The following GHR variants were observed in gnomAD, a reference collection of about 807,000 sequenced individuals.
GHR encodes growth hormone receptor, also known as GH receptor.
Under a neutral mutation model 67.1 loss-of-function variants are expected in GHR, and 35 were observed. That is an observed-to-expected ratio of 0.52 (90% CI 0.40 to 0.69). The LOEUF (loss-of-function observed/expected upper bound fraction) is 0.69. GHR is among the 30% of genes least tolerant of loss of function. GHR has a pLI of 0.00. For synonymous variants in GHR, 272 were observed against 269.1 expected, an observed-to-expected ratio of 1.01 and a Z score of -0.10; for missense variants, 792 against 764.6, an observed-to-expected ratio of 1.04 and a Z score of -0.42.
At chr5:42,652,609 A>G (rs1755064428) in intron 3 of GHR, among the ~76,000 whole-genome samples, 1 of 152,322 alleles carries the variant, frequency 6.6e-6, no homozygotes, top group South Asian at 2.1e-4. Flanking sequence ...GACATTCATT[A>G]TCAGATTTAC....
chr5:42,571,792 C>T (rs1750335338), intron 2 of GHR, among the ~76,000 whole-genome samples: 1 of 152,180 alleles, frequency 6.6e-6, no homozygotes, highest in South Asian at 2.1e-4. Context: ...TAGAATGTTT[C>T]CACACCACTT....
intron 1 of GHR, among the ~76,000 whole-genome samples, chr5:42,481,430 G>A (rs1311681530): frequency 6.6e-6 from 1 of 152,042 alleles, no homozygotes; most frequent in Non-Finnish European, 1.5e-5. Context: ...TTTGAATGTT[G>A]GCCTGCCTTG....
intron 1 of GHR, among the ~76,000 whole-genome samples, chr5:42,516,927 T>C (rs1396137112): frequency 6.6e-6 from 1 of 152,126 alleles, no homozygotes; most frequent in Non-Finnish European, 1.5e-5. Flanking sequence ...AGTGCCAGAG[T>C]GTGTAATTAT....
intron 3 of GHR, among the ~76,000 whole-genome samples, chr5:42,645,362 A>G (rs1460300333): frequency 6.6e-6 from 1 of 152,210 alleles, no homozygotes; most frequent in East Asian, 1.9e-4. Flanking sequence ...AAACATTGCT[A>G]TGTCCCAATG....
chr5:42,513,804 G>A (rs7705834), intron 1 of GHR, among the ~76,000 whole-genome samples: 68,978 of 151,688 alleles, frequency 0.45, 16,118 homozygotes, highest in Middle Eastern at 0.51. Context: ...GCTTCAGCAG[G>A]GTGAGGTTAA....
chr5:42,684,456 A>G (rs1757039114), intron 3 of GHR, among the ~76,000 whole-genome samples: 1 of 152,248 alleles, frequency 6.6e-6, no homozygotes, highest in African/African-American at 2.4e-5. Context: ...AATAATTACT[A>G]ACTTTGTAGA....
At chr5:42,521,774 G>C (rs1325363038) in intron 1 of GHR, among the ~76,000 whole-genome samples, 2 of 152,140 alleles carry the variant, frequency 1.3e-5, no homozygotes, top group Non-Finnish European at 2.9e-5. Context: ...CTTGGGTTGA[G>C]AGTTCTAGTT....
chr5:42,688,833 T>A (rs1757282659), intron 3 of GHR, 57 bp from the exon 4 acceptor site: 2 of 1,523,810 alleles, frequency 1.3e-6, no homozygotes, highest in Non-Finnish European at 9.1e-7. Flanking sequence ...CGTGTCTCAT[T>A]AGGATCACAT....
chr5:42,523,869 GA>G (rs1309919467), intron 1 of GHR, among the ~76,000 whole-genome samples: 1 of 152,126 alleles, frequency 6.6e-6, no homozygotes, highest in Non-Finnish European at 1.5e-5. Flanking sequence ...AGTCTCACTA[GA>G]TCTGATGGGT....
chr5:42,453,213 T>C (rs1183662087), intron 1 of GHR, among the ~76,000 whole-genome samples: 1 of 152,200 alleles, frequency 6.6e-6, no homozygotes, highest in Non-Finnish European at 1.5e-5. Context: ...ATTTTAGTAG[T>C]TACATACTTG....
rs1467367393 is a variant in GHR at position 42,497,027 on chromosome 5, T to TTAA, written c.-11-68837_-11-68836insTAA. 2.1e-4 allele frequency among the ~76,000 whole-genome samples: 32 copies of TTAA among 152,304 alleles called. No individual in the cohort carries two copies. In the East Asian group the frequency reaches 6.0e-3, roughly 28 times the overall value. ...GGGCCTTCCATGTTTGCAGGACATCTGTTTGGGCCTTAAGTTCTGCTACAG... is the reference window on the plus strand; with the variant it reads ...GGGCCTTCCATGTTTGCAGGACATCTTAAGTTTGGGCCTTAAGTTCTGCTACAG... On this transcript the variant is annotated intron_variant, in intron 1 of 9. Transcript: ENST00000230882.
At chr5:42,567,581 AAAG>A (rs922196991) in intron 2 of GHR, among the ~76,000 whole-genome samples, 9 of 152,184 alleles carry the variant, frequency 5.9e-5, no homozygotes, top group Admixed American at 5.2e-4. Context: ...GTAATTTAAC[AAAG>A]AAGAACATTT....
In GHR at chr5:42,437,806, T is replaced by G. The variant is rs866559910; in HGVS notation, c.-12+13851T>G. Among the ~76,000 whole-genome samples the G allele has an allele frequency of 1.3e-4, 19 of 150,914 alleles. No homozygotes were observed. In the East Asian group the frequency reaches 1.4e-3, roughly 11 times the overall value. On this transcript the variant is annotated intron_variant, in intron 1 of 9. Coordinates refer to ENST00000230882, the MANE Select transcript of GHR (RefSeq NM_000163.5). ...CCTGAGCTCAAGTGATCAGCCCACC[T>G]CAGCCTCTCCAAGTGCTGGGATTAC...
chr5:42,447,430 T>C (rs1743852579), intron 1 of GHR, among the ~76,000 whole-genome samples: 4 of 152,210 alleles, frequency 2.6e-5, no homozygotes. Context: ...TTCAGCTCCA[T>C]CCGGGTTGCT....
Position 42,643,527 on chromosome 5 carries a change from C to T in GHR, c.136+14424C>T, listed in dbSNP as rs564715147. Among the ~76,000 whole-genome samples the T allele has an allele frequency of 2.2e-3, 340 of 152,282 alleles. 3 individuals carry two copies. The highest frequency in any genetic ancestry group is 7.9e-3 in the African/African-American group (326 of 41,526). On this transcript the variant is annotated intron_variant, in intron 3 of 9. Transcript: ENST00000230882. ...TAAACACTAAGATTGTTAATGTCTA[C>T]ACGACCTCTCCCTGGATATGAGCAC...
chr5:42,716,015 C>T (rs905976327), intron 8 of GHR, among the ~76,000 whole-genome samples: 11 of 152,146 alleles, frequency 7.2e-5, no homozygotes, highest in Non-Finnish European at 1.6e-4. Flanking sequence ...ACCACTAGCG[C>T]ATGCCTGAAT....
intron 3 of GHR, among the ~76,000 whole-genome samples, chr5:42,680,145 C>T (rs905789344): frequency 2.6e-5 from 4 of 152,228 alleles, no homozygotes; most frequent in African/African-American, 7.2e-5. Flanking sequence ...ACTGCAATCA[C>T]CATCTCTTGT....
chr5:42,558,470 T>A (rs939127052), intron 1 of GHR, among the ~76,000 whole-genome samples: 1 of 152,212 alleles, frequency 6.6e-6, no homozygotes, highest in Non-Finnish European at 1.5e-5. Flanking sequence ...AAGCCACATA[T>A]GTAATTTAAA....
intron 1 of GHR, chr5:42,549,718 A>G (rs1748917007): frequency 3.2e-6 from 3 of 944,508 alleles, no homozygotes; most frequent in Non-Finnish European, 3.8e-6. Flanking sequence ...GCCACATCAG[A>G]TCACACATGG....
Sources: allele counts gnomAD v4.1 joint callset (sites outside exome capture counted in the v4.1 genomes callset), GRCh38; gene constraint gnomAD v4.1.1; transcripts MANE v1.5; gene names NCBI Gene and HGNC (gene_info 2026-07-23, HGNC 2026-07-21).